The following POC5 variants were observed in gnomAD, a reference collection of about 807,000 sequenced individuals.
The protein encoded by POC5 is POC5 centriolar protein.
Under a neutral mutation model 62.9 loss-of-function variants are expected in POC5, and 48 were observed. The ratio of observed to expected loss-of-function variants is 0.76; its 90% CI spans 0.61 to 0.97. The LOEUF (loss-of-function observed/expected upper bound fraction) is 0.97. POC5 is among the 50% of genes least tolerant of loss of function. The pLI, the probability that POC5 is intolerant of heterozygous loss-of-function variation, is 0.00. For synonymous variants in POC5, 236 were observed against 228.2 expected, an observed-to-expected ratio of 1.03 and a Z score of -0.31; for missense variants, 696 against 679.5, an observed-to-expected ratio of 1.02 and a Z score of -0.27.
At chr5:75,674,733 A>C (rs961298097) in intron 11 of POC5, among the ~76,000 whole-genome samples, 155 bp from the exon 12 acceptor site, 11 of 152,176 alleles carry the variant, frequency 7.2e-5, no homozygotes, top group Non-Finnish European at 2.9e-5. Flanking sequence ...TAATTAGATG[A>C]GGCCTTTGTC....
intron 2 of POC5, among the ~76,000 whole-genome samples, chr5:75,708,142 T>C (rs1777199812): frequency 2.0e-5 from 3 of 152,292 alleles, no homozygotes; most frequent in South Asian, 4.1e-4. Flanking sequence ...GGAGGATGGC[T>C]TGAAGCCTGA....
At chr5:75,680,403 T>C (rs1775823644) in intron 10 of POC5, among the ~76,000 whole-genome samples, 1 of 152,088 alleles carries the variant, frequency 6.6e-6, no homozygotes, top group Admixed American at 6.6e-5. Flanking sequence ...AGCTCAGAAT[T>C]GCTTTAGAAT....
intron 5 of POC5, among the ~76,000 whole-genome samples, chr5:75,701,174 G>T (rs1231427869): frequency 7.2e-6 from 1 of 139,570 alleles, no homozygotes; most frequent in Non-Finnish European, 1.6e-5. Context: ...ATTCCTCAGG[G>T]ATCTAGAACT....
In POC5 at chr5:75,702,814, A is replaced by C. The variant is rs1196205821; in HGVS notation, c.308-4T>G. On this transcript the variant is annotated splice_region_variant and splice_polypyrimidine_tract_variant and intron_variant, in intron 4 of 11. Coordinates refer to ENST00000428202, the MANE Select transcript of POC5 (RefSeq NM_001099271.2). ...GGCGATAACACTGGTGATGACTCTG[A>C]ATAAAAGAAAAGTTGTAGCTGTCAA... 1 of 1,554,174 alleles carries C rather than the reference A, an allele frequency of 6.4e-7. No homozygotes were observed. Among genetic ancestry groups the C allele is most frequent in the Non-Finnish European group, 8.7e-7 (1 of 1,145,250 alleles).
At chr5:75,717,041 TAC>T (rs1248138851) in intron 1 of POC5, among the ~76,000 whole-genome samples, 1 of 152,248 alleles carries the variant, frequency 6.6e-6, no homozygotes, top group African/African-American at 2.4e-5. Flanking sequence ...CAGAGCTTTA[TAC>T]ATGGTTATTT....
In POC5 at chr5:75,694,646, AAAG is replaced by A. The variant is rs1431515427; in HGVS notation, c.690+6_690+8del. ...AATCTCAGTTAAAAAGAAATATAAAAAAGAAGACCTCATCTTTTCTCCCAATGG... is the reference window on the plus strand; with the variant it reads ...AATCTCAGTTAAAAAGAAATATAAAAAAGACCTCATCTTTTCTCCCAATGG... On this transcript the variant is annotated splice_donor_region_variant and intron_variant, in intron 6 of 11. Coordinates refer to ENST00000428202, the MANE Select transcript of POC5 (RefSeq NM_001099271.2). 9.4e-6 allele frequency: 14 copies of A among 1,489,056 alleles called. No individual in the cohort carries two copies. Among genetic ancestry groups the A allele is most frequent in the South Asian group, 1.4e-5 (1 of 73,526 alleles). 92.2% of individuals were successfully genotyped at this position (1,489,056 alleles called of 1,614,324 possible).
At chr5:75,699,061 T>G (rs575588700) in intron 5 of POC5, among the ~76,000 whole-genome samples, 179 of 152,280 alleles carry the variant, frequency 1.2e-3, no homozygotes, top group Non-Finnish European at 2.3e-3. Flanking sequence ...GGAGCTGATA[T>G]TGTGGCAATA....
intron 9 of POC5, 106 bp downstream of exon 9, chr5:75,688,906 A>C (rs2112111520): frequency 8.9e-7 from 1 of 1,119,046 alleles, no homozygotes; most frequent in Non-Finnish European, 1.2e-6. Context: ...CACCTGGATG[A>C]AACATACCTA....
chr5:75,702,667 C>G lies in POC5; in HGVS notation c.451G>C (p.Val151Leu), dbSNP rs1776938037. The change falls in exon 5 of 12, where the codon GTT (valine) becomes CTT (leucine). Residue 151 changes from valine (V) to leucine (L), a missense_variant. Val to Leu is a conservative substitution (Grantham distance 32). Transcript: ENST00000428202. ...AHEILVSDFL[V>L]SDENLQKMEN... ...ATCTTCTGAAGGTTTTCATCAGAAACAAGAAAATCGCTCACAAGTATTTCA... is the reference window on the plus strand; with the variant it reads ...ATCTTCTGAAGGTTTTCATCAGAAAGAAGAAAATCGCTCACAAGTATTTCA... The G allele has an allele frequency of 6.2e-7, 1 of 1,612,794 alleles. No homozygotes were observed. The highest frequency in any genetic ancestry group is 8.5e-7 in the Non-Finnish European group (1 of 1,179,402).
At chr5:75,707,933 C>T (rs1777192285) in intron 2 of POC5, 58 bp from the exon 3 acceptor site, 1 of 1,408,100 alleles carries the variant, frequency 7.1e-7, no homozygotes. Context: ...ATAATATATT[C>T]AACTGAATTT....
chr5:75,674,616 A>G, intron 11 of POC5, 38 bp from the exon 12 acceptor site: 1 of 1,598,350 alleles, frequency 6.3e-7, no homozygotes, highest in Non-Finnish European at 8.6e-7. Context: ...ATATCCCAAG[A>G]TTATGTATAC....
At chr5:75,693,448 T>A (rs963498649) in intron 6 of POC5, among the ~76,000 whole-genome samples, 2 of 152,188 alleles carry the variant, frequency 1.3e-5, no homozygotes, top group South Asian at 4.1e-4. Flanking sequence ...CTGGAAATAT[T>A]CTATGTGTTA....
chr5:75,702,468 C>T (rs1240595103), intron 5 of POC5, 137 bp downstream of exon 5: 1 of 818,388 alleles, frequency 1.2e-6, no homozygotes, highest in Non-Finnish European at 1.9e-6. Context: ...AGAAGCAAGA[C>T]TTAAGACACT....
intron 6 of POC5, 68 bp downstream of exon 6, chr5:75,694,587 T>A: frequency 1.6e-6 from 2 of 1,239,286 alleles, no homozygotes; most frequent in Non-Finnish European, 2.2e-6. Flanking sequence ...AATAATCATT[T>A]CTTAGAATTT....
intron 11 of POC5, among the ~76,000 whole-genome samples, chr5:75,676,577 T>C (rs1392956967): frequency 6.6e-6 from 1 of 152,206 alleles, no homozygotes; most frequent in East Asian, 1.9e-4. Context: ...TCATTCCATA[T>C]ACTTTTTTTT....
intron 10 of POC5, among the ~76,000 whole-genome samples, chr5:75,681,996 GAAA>G (rs1775885562): frequency 6.6e-6 from 1 of 152,194 alleles, no homozygotes; most frequent in African/African-American, 2.4e-5. Context: ...AAGGAAGGAA[GAAA>G]ACTAAGATTA....
intron 1 of POC5, among the ~76,000 whole-genome samples, chr5:75,714,298 C>T (rs1183045299): frequency 6.6e-6 from 1 of 152,108 alleles, no homozygotes; most frequent in Non-Finnish European, 1.5e-5. Context: ...AGGAGAATAG[C>T]TAGAACCCTG....
intron 1 of POC5, among the ~76,000 whole-genome samples, chr5:75,713,730 T>C (rs1777441170): frequency 6.6e-6 from 1 of 152,154 alleles, no homozygotes; most frequent in South Asian, 2.1e-4. Context: ...ACAGAAAGTT[T>C]TTAGAGAAGA....
intron 5 of POC5, among the ~76,000 whole-genome samples, chr5:75,697,475 G>A (rs1241224446): frequency 1.3e-5 from 2 of 152,108 alleles, no homozygotes; most frequent in Non-Finnish European, 1.5e-5. Context: ...AAGTGAAGGA[G>A]AAATAAAATA....
Sources: gnomAD v4.1 joint callset for allele counts (sites outside exome capture counted in the v4.1 genomes callset) on GRCh38, gnomAD v4.1.1 for gene constraint, MANE v1.5 for transcripts, NCBI Gene and HGNC (gene_info 2026-07-23, HGNC 2026-07-21) for gene names.